The following METTL15 variants were observed in gnomAD, a reference collection of about 807,000 sequenced individuals.
METTL15 encodes methyltransferase 15, mitochondrial 12S rRNA N4-cytidine.
Under a neutral mutation model 38.3 loss-of-function variants are expected in METTL15, and 34 were observed. The observed-to-expected ratio is 0.89, with a 90% CI of 0.68 to 1.18. METTL15 has a LOEUF of 1.18. Ranked by LOEUF, METTL15 falls within the 50% of genes most tolerant of loss-of-function variation. The probability of loss-of-function intolerance (pLI) is 0.00; values close to 1 mark genes in which losing one functional copy is unlikely to be tolerated. For synonymous variants in METTL15, 162 were observed against 170.9 expected (o/e 0.95, Z 0.41); for missense variants, 438 against 498.4 (o/e 0.88, Z 1.15).
chr11:28,416,949 A>G (rs1446247638), intron 5 of METTL15, among the ~76,000 whole-genome samples: 1 of 152,208 alleles, frequency 6.6e-6, no homozygotes. Flanking sequence ...ACATCTTTGG[A>G]AAGAATCATT....
At chr11:28,309,171 C>T (rs1055746196) in intron 6 of METTL15, among the ~76,000 whole-genome samples, 2 of 152,174 alleles carry the variant, frequency 1.3e-5, no homozygotes, top group African/African-American at 4.8e-5. Flanking sequence ...CCACCAAAAT[C>T]GTCTTCTCTT....
chr11:28,470,897 C>A (rs1411143075), intron 6 of METTL15, among the ~76,000 whole-genome samples: 2 of 152,068 alleles, frequency 1.3e-5, no homozygotes, highest in Admixed American at 1.3e-4. Flanking sequence ...AAGATAATTT[C>A]TTCTTATTAT....
At chr11:28,504,393 T>C (rs1397587540) in intron 6 of METTL15, among the ~76,000 whole-genome samples, 1 of 152,186 alleles carries the variant, frequency 6.6e-6, no homozygotes, top group Non-Finnish European at 1.5e-5. Flanking sequence ...AAGATAATTG[T>C]TGCCATCAAG....
In METTL15 at chr11:28,375,287, A is replaced by G. The variant is rs901147517; in HGVS notation, c.*358+13251A>G. Among the ~76,000 whole-genome samples the G allele has an allele frequency of 2.7e-5, 4 of 145,960 alleles. No individual in the cohort carries two copies. The East Asian group carries it at 6.1e-4, about 22-fold the overall frequency. On this transcript the variant is annotated intron_variant and NMD_transcript_variant, in intron 5 of 7. Transcript: ENST00000532947. ...TCTGGTAGAATTCAGCTGTGAATCC[A>G]TCTGGTCCTGGACTCTTTTTGGTTG...
At chr11:28,376,741 T>C (rs1277951513) in intron 5 of METTL15, among the ~76,000 whole-genome samples, 1 of 151,768 alleles carries the variant, frequency 6.6e-6, no homozygotes, top group Non-Finnish European at 1.5e-5. Context: ...GTTGATGCAG[T>C]TTCTTCGTAG....
intron 5 of METTL15, among the ~76,000 whole-genome samples, chr11:28,414,331 C>G (rs1405821732): frequency 6.6e-6 from 1 of 151,994 alleles, no homozygotes; most frequent in African/African-American, 2.4e-5. Context: ...GAGAAATACC[C>G]TAACTTCTCT....
chr11:28,337,161 CTG>C (rs1565265342), downstream of METTL15, among the ~76,000 whole-genome samples: 3 of 151,980 alleles, frequency 2.0e-5, no homozygotes, highest in South Asian at 6.2e-4. Flanking sequence ...GTTTTAAGCT[CTG>C]TTATTACAAA....
At chr11:28,367,713 A>G (rs2133372614) in intron 5 of METTL15, among the ~76,000 whole-genome samples, 1 of 152,312 alleles carries the variant, frequency 6.6e-6, no homozygotes. Context: ...ACAAGGCTAC[A>G]GTAACCAAAA....
chr11:28,380,070 C>G (rs958811465), intron 5 of METTL15, among the ~76,000 whole-genome samples: 6 of 151,464 alleles, frequency 4.0e-5, no homozygotes, highest in African/African-American at 1.5e-4. Context: ...TGTTCCCACT[C>G]TTCATTTTTA....
intron 3 of METTL15, among the ~76,000 whole-genome samples, chr11:28,186,193 G>C (rs1851487958): frequency 1.3e-5 from 2 of 151,076 alleles, no homozygotes; most frequent in South Asian, 4.1e-4. Context: ...GATAAGAACT[G>C]TATTTTGCTT....
chr11:28,290,640 G>C (rs1359993877), intron 5 of METTL15, among the ~76,000 whole-genome samples: 2 of 152,096 alleles, frequency 1.3e-5, no homozygotes, highest in African/African-American at 4.8e-5. Context: ...CTTTCATACT[G>C]ATTATCTTTT....
At chr11:28,396,695 C>G (rs1486643969) in intron 5 of METTL15, among the ~76,000 whole-genome samples, 1 of 152,212 alleles carries the variant, frequency 6.6e-6, no homozygotes, top group African/African-American at 2.4e-5. Context: ...AATGCCATCC[C>G]CATCAAGCTA....
intron 5 of METTL15, among the ~76,000 whole-genome samples, chr11:28,363,522 A>G (rs1850158700): frequency 1.3e-5 from 2 of 151,350 alleles, no homozygotes; most frequent in South Asian, 2.1e-4. Context: ...CCTTTGCCCC[A>G]TTTTTAATTT....
At chr11:28,484,105 G>A (rs551688614) in intron 6 of METTL15, among the ~76,000 whole-genome samples, 1 of 152,136 alleles carries the variant, frequency 6.6e-6, no homozygotes. Context: ...AACGGTGATG[G>A]TGATGATAAT....
chr11:28,345,894 C>T (rs953106266), intron 3 of METTL15, among the ~76,000 whole-genome samples: 1 of 152,292 alleles, frequency 6.6e-6, no homozygotes, highest in Admixed American at 6.5e-5. Context: ...CAAGTAATCA[C>T]AGCATATATG....
intron 6 of METTL15, among the ~76,000 whole-genome samples, chr11:28,425,853 A>G (rs1331105476): frequency 2.0e-5 from 3 of 152,204 alleles, no homozygotes; most frequent in African/African-American, 7.2e-5. Context: ...GATTGGCAAT[A>G]TAGCTTTAAG....
chr11:28,468,640 T>C (rs1197190339), intron 6 of METTL15, among the ~76,000 whole-genome samples: 1 of 152,100 alleles, frequency 6.6e-6, no homozygotes, highest in Admixed American at 6.6e-5. Context: ...GTGCCTCTAG[T>C]GTAGGTTTCT....
chr11:28,302,584 T>C (rs923378937), intron 6 of METTL15, among the ~76,000 whole-genome samples: 1 of 152,138 alleles, frequency 6.6e-6, no homozygotes, highest in Non-Finnish European at 1.5e-5. Flanking sequence ...GATGACTTGC[T>C]CCTCCTTGCC....
intron 4 of METTL15, among the ~76,000 whole-genome samples, chr11:28,237,851 A>G (rs1315596267): frequency 6.6e-6 from 1 of 151,962 alleles, no homozygotes; most frequent in Non-Finnish European, 1.5e-5. Context: ...GGTCTGTTGG[A>G]GTTTGCTAGA....
Sources: allele counts gnomAD v4.1 joint callset (sites outside exome capture counted in the v4.1 genomes callset), GRCh38; gene constraint gnomAD v4.1.1; transcripts MANE v1.5; gene names NCBI Gene and HGNC (gene_info 2026-07-23, HGNC 2026-07-21).